WDFY4: variants seen among roughly 807,000 people sequenced by gnomAD.
WDFY4 encodes WDFY family member 4.
Under a neutral mutation model 351.9 loss-of-function variants are expected in WDFY4, and 169 were observed. The ratio of observed to expected loss-of-function variants is 0.48; its 90% confidence interval spans 0.42 to 0.55. The LOEUF is 0.55. Ranked by LOEUF, WDFY4 falls within the 20% of genes least tolerant of loss-of-function variation. The probability of loss-of-function intolerance (pLI) is 0.00; values close to 1 mark genes in which losing one functional copy is unlikely to be tolerated. For synonymous variants in WDFY4, 1,622 were observed against 1,574.6 expected (o/e 1.03, Z -0.71); for missense variants, 3,803 against 3,935.6 (o/e 0.97, Z 0.90).
chr10:48,976,730 G>C, intron 58 of WDFY4, 67 bp from the exon 59 acceptor site: 1 of 1,286,790 alleles, frequency 7.8e-7, no homozygotes, highest in African/African-American at 1.5e-5. Flanking sequence ...CAACTGGGTA[G>C]CTGAGCAAGT....
chr10:48,912,441 T>A (rs1838090445), intron 47 of WDFY4, among the ~76,000 whole-genome samples: 1 of 152,220 alleles, frequency 6.6e-6, no homozygotes, highest in Non-Finnish European at 1.5e-5. Context: ...GACCTAGACC[T>A]GTCCAACCTC....
intron 13 of WDFY4, among the ~76,000 whole-genome samples, chr10:48,773,685 G>A (rs113679743): frequency 6.6e-6 from 1 of 152,230 alleles, no homozygotes; most frequent in Non-Finnish European, 1.5e-5. Flanking sequence ...GGCACAGGAT[G>A]ATGGGAGGGT....
At chr10:48,724,957 A>C (rs1036397342) in intron 5 of WDFY4, among the ~76,000 whole-genome samples, 1 of 152,140 alleles carries the variant, frequency 6.6e-6, no homozygotes, top group Non-Finnish European at 1.5e-5. Flanking sequence ...TGTATGAGAG[A>C]AATCAGTGGA....
intron 1 of WDFY4, among the ~76,000 whole-genome samples, chr10:48,696,792 A>C (rs1265933230): frequency 6.6e-6 from 1 of 152,268 alleles, no homozygotes; most frequent in Non-Finnish European, 1.5e-5. Flanking sequence ...AGAAGAGGCC[A>C]TGCAGTGCGC....
At chr10:48,769,987 G>A (rs775473529) in intron 13 of WDFY4, among the ~76,000 whole-genome samples, 5 of 152,186 alleles carry the variant, frequency 3.3e-5, no homozygotes, top group Non-Finnish European at 5.9e-5. Flanking sequence ...CGTCTCCTGC[G>A]TTGGAAGTAA....
chr10:48,823,417 C>T (rs1352192707), intron 35 of WDFY4: 5 of 1,203,886 alleles, frequency 4.2e-6, no homozygotes, highest in African/African-American at 1.6e-5. Flanking sequence ...TCTCCTTCCT[C>T]TTCACATCTC....
At chr10:48,855,753 T>C (rs1299481189) in intron 39 of WDFY4, among the ~76,000 whole-genome samples, 1 of 152,138 alleles carries the variant, frequency 6.6e-6, no homozygotes, top group Non-Finnish European at 1.5e-5. Context: ...TTTTGCTTTC[T>C]GCAGTTTGAG....
chr10:48,855,688 A>G (rs886625908), intron 39 of WDFY4, among the ~76,000 whole-genome samples: 3 of 152,152 alleles, frequency 2.0e-5, no homozygotes, highest in Non-Finnish European at 4.4e-5. Flanking sequence ...TAATAGACCC[A>G]TTATGTATAA....
Position 48,943,318 on chromosome 10 carries a change from C to T in WDFY4, c.7630-12C>T, listed in dbSNP as rs202226226. 1.9e-3 allele frequency: 2,909 copies of T among 1,551,286 alleles called. 8 individuals are homozygous for T. Among genetic ancestry groups the T allele is most frequent in the Non-Finnish European group, 2.3e-3 (2,655 of 1,146,896 alleles). On this transcript the variant is annotated splice_polypyrimidine_tract_variant and intron_variant, in intron 48 of 61. Coordinates refer to ENST00000325239, the MANE Select transcript of WDFY4 (RefSeq NM_001394531.1). ...CGTATTTGGTTTATCCCCTTTCTGT[C>T]TCTTCTGGTAGAAAAGGGACATCAG...
At chr10:48,900,339 C>T in intron 46 of WDFY4, 33 bp downstream of exon 46, 1 of 1,526,000 alleles carries the variant, frequency 6.6e-7, no homozygotes, top group Non-Finnish European at 8.9e-7. Context: ...TCTGAGGAAA[C>T]TGATCCTGAA....
chr10:48,761,580 C>T (rs1242972181), intron 13 of WDFY4, among the ~76,000 whole-genome samples: 3 of 152,100 alleles, frequency 2.0e-5, no homozygotes, highest in Non-Finnish European at 2.9e-5. Context: ...AGAGCCAAGG[C>T]GACTCTCAAG....
intron 19 of WDFY4, among the ~76,000 whole-genome samples, chr10:48,784,789 C>A (rs560210589): frequency 2.0e-5 from 3 of 149,864 alleles, no homozygotes; most frequent in Non-Finnish European, 4.4e-5. Context: ...ATCTGCCCAC[C>A]TCAGCCTCCC....
intron 13 of WDFY4, among the ~76,000 whole-genome samples, chr10:48,765,288 C>A (rs1250766619): frequency 6.6e-6 from 1 of 152,214 alleles, no homozygotes; most frequent in African/African-American, 2.4e-5. Context: ...AGACTTCAGG[C>A]TCTGAAAACA....
Position 48,981,414 on chromosome 10 carries a change from A to G in WDFY4, c.9424A>G (p.Ser3142Gly), listed in dbSNP as rs1022912736. 3 of 1,551,664 alleles carry G rather than the reference A, an allele frequency of 1.9e-6. No homozygotes were observed. Among genetic ancestry groups the G allele is most frequent in the African/African-American group, 1.4e-5 (1 of 73,062 alleles). Residue 3142 changes from serine (S) to glycine (G), a missense_variant, in exon 61 of 62, where the codon AGC (serine) becomes GGC (glycine). Coordinates refer to ENST00000325239, the MANE Select transcript of WDFY4 (RefSeq NM_001394531.1). ...GGCCTTGAGTCGAGAGCTGGACGTT[A>G]GCATTGCTTTGACAGGGAAGCCCAG... ...NLALSRELDV[S>G]IALTGKPSKT...
intron 58 of WDFY4, 111 bp downstream of exon 58, chr10:48,975,152 A>T (rs1206409223): frequency 2.1e-6 from 3 of 1,410,076 alleles, no homozygotes; most frequent in Non-Finnish European, 2.9e-6. Flanking sequence ...CAGAATGCTG[A>T]GAGGGCCCCC....
intron 43 of WDFY4, among the ~76,000 whole-genome samples, chr10:48,890,191 C>T (rs562248597): frequency 1.3e-5 from 2 of 152,290 alleles, no homozygotes; most frequent in South Asian, 2.1e-4. Flanking sequence ...TGGACAAGCT[C>T]CCTCTCCTCT....
At chr10:48,798,406 A>G (rs562958238) in intron 24 of WDFY4, among the ~76,000 whole-genome samples, 2 of 152,288 alleles carry the variant, frequency 1.3e-5, no homozygotes, top group South Asian at 4.1e-4. Flanking sequence ...CCAAGAAAAG[A>G]AGACAGAAGC....
intron 25 of WDFY4, chr10:48,804,619 T>A: frequency 2.1e-5 from 10 of 467,814 alleles, no homozygotes; most frequent in Middle Eastern, 1.1e-3. Flanking sequence ...AAAGTCACCC[T>A]CCTCCACATT....
chr10:48,777,564 T>C (rs988268450), intron 17 of WDFY4, 69 bp downstream of exon 17: 1 of 1,412,142 alleles, frequency 7.1e-7, no homozygotes, highest in Non-Finnish European at 9.8e-7. Flanking sequence ...ATAGCCTTGA[T>C]TGCAGATTTT....
Sources: gnomAD v4.1 joint callset for allele counts (sites outside exome capture counted in the v4.1 genomes callset) on GRCh38, gnomAD v4.1.1 for gene constraint, MANE v1.5 for transcripts, NCBI Gene and HGNC (gene_info 2026-07-23, HGNC 2026-07-21) for gene names.